ARHGAP12: variants seen among roughly 807,000 people sequenced by gnomAD.
ARHGAP12 encodes Rho GTPase activating protein 12, also known as rho GTPase-activating protein 12.
ARHGAP12 carries 64 observed loss-of-function variants against 108.6 expected under a neutral mutation model. The observed-to-expected ratio is 0.59, with a 90% CI of 0.48 to 0.73. The LOEUF is 0.73. ARHGAP12 is among the 30% of genes least tolerant of loss of function. ARHGAP12 has a pLI of 0.00. For synonymous variants in ARHGAP12, 312 were observed against 337.2 expected (o/e 0.93, Z 0.82); for missense variants, 940 against 1,005.9 (o/e 0.93, Z 0.89).
intron 9 of ARHGAP12, among the ~76,000 whole-genome samples, chr10:31,836,077 T>A (rs1176176698): frequency 6.6e-6 from 1 of 152,198 alleles, no homozygotes; most frequent in African/African-American, 2.4e-5. Flanking sequence ...ACATTCATGT[T>A]TTTTAAAAAG....
rs147765472 is a variant in ARHGAP12 at position 31,880,757 on chromosome 10, A to T, written c.685-19099T>A. 3.4e-3 allele frequency among the ~76,000 whole-genome samples: 518 copies of T among 152,252 alleles called. 2 individuals are homozygous for T. Among genetic ancestry groups the T allele is most frequent in the Middle Eastern group, 6.8e-3 (2 of 294 alleles). ...ATTCATATATTCACTTAAGTAAATT[A>T]TACTTCTTAAATATTAAAACAAGTT... On this transcript the variant is annotated intron_variant, in intron 3 of 19. Transcript: ENST00000344936.
At chr10:31,832,727 T>G (rs1470439341) in intron 9 of ARHGAP12, among the ~76,000 whole-genome samples, 1 of 152,216 alleles carries the variant, frequency 6.6e-6, no homozygotes, top group Non-Finnish European at 1.5e-5. Flanking sequence ...CTCTGCTATA[T>G]TTTCTCAATG....
chr10:31,839,352 A>G, intron 8 of ARHGAP12, 33 bp from the exon 9 acceptor site: 1 of 1,587,390 alleles, frequency 6.3e-7, no homozygotes, highest in Non-Finnish European at 8.6e-7. Flanking sequence ...ATAATGTCAT[A>G]GTATTGTCTG....
At chr10:31,835,707 AT>A (rs1241985118) in intron 9 of ARHGAP12, among the ~76,000 whole-genome samples, 1 of 152,216 alleles carries the variant, frequency 6.6e-6, no homozygotes, top group Admixed American at 6.5e-5. Context: ...TAATAATAAG[AT>A]TTTAAAAATA....
At chr10:31,880,279 C>T (rs1356190448) in intron 3 of ARHGAP12, among the ~76,000 whole-genome samples, 3 of 152,024 alleles carry the variant, frequency 2.0e-5, no homozygotes, top group Non-Finnish European at 4.4e-5. Context: ...TGTAATGGTG[C>T]TCTTAAAGTC....
At position 31,908,951 on chromosome 10, in the gene ARHGAP12, G is replaced by C. The variant is rs996027611; in HGVS notation, c.-71-25C>G. The C allele has an allele frequency of 1.5e-5, 18 of 1,229,926 alleles. No homozygotes were observed. The Admixed American group carries it at 4.0e-4, about 27-fold the overall frequency. The allele number at this position is 1,229,926 out of a possible 1,614,324, so 76.2% of individuals were successfully genotyped here. A position where few individuals can be genotyped will look rare whatever the true frequency, so the allele number is the denominator to read the frequency against. ...GCTGTTTTATTTAAATGGAGAAAGA[G>C]AATGAAGAAAAAAGTTAATGCAATC... On this transcript the variant is annotated intron_variant, in intron 2 of 19. Transcript: ENST00000344936.
chr10:31,845,239 T>G (rs1408483532), intron 6 of ARHGAP12, among the ~76,000 whole-genome samples: 1 of 152,204 alleles, frequency 6.6e-6, no homozygotes, highest in Non-Finnish European at 1.5e-5. Context: ...TGCTGAACTC[T>G]CATCAGTTTT....
intron 9 of ARHGAP12, among the ~76,000 whole-genome samples, chr10:31,835,570 A>T (rs951822991): frequency 6.6e-6 from 1 of 152,234 alleles, no homozygotes; most frequent in South Asian, 2.1e-4. Flanking sequence ...ATTACTTTGC[A>T]GGCTCCACAA....
At chr10:31,845,212 T>C (rs1413317652) in intron 6 of ARHGAP12, among the ~76,000 whole-genome samples, 1 of 152,220 alleles carries the variant, frequency 6.6e-6, no homozygotes, top group East Asian at 1.9e-4. Flanking sequence ...TCATGTTAAT[T>C]TCATATCCAG....
intron 3 of ARHGAP12, among the ~76,000 whole-genome samples, chr10:31,902,751 C>G (rs1199436950): frequency 6.6e-6 from 1 of 151,776 alleles, no homozygotes; most frequent in Non-Finnish European, 1.5e-5. Context: ...AAAAATAAAG[C>G]ATTCAGGATC....
Position 31,820,712 on chromosome 10 carries a change from T to TTATA in ARHGAP12, c.1531-228_1531-225dup, listed in dbSNP as rs59605145. Among the ~76,000 whole-genome samples the TTATA allele has an allele frequency of 6.0e-3, 713 of 118,240 alleles. 5 individuals are homozygous for TTATA. Among genetic ancestry groups the TTATA allele is most frequent in the Middle Eastern group, 9.3e-3 (2 of 216 alleles). The allele number at this position is 118,240 out of a possible 152,430, so 77.6% of individuals were successfully genotyped here. On this transcript the variant is annotated intron_variant, in intron 11 of 19. Coordinates refer to ENST00000344936, the MANE Select transcript of ARHGAP12 (RefSeq NM_018287.7). Reference sequence around the variant, plus strand: ...ACAAAATGACTCAACTTCCATCATATTATATATATATATATATATATATAT... The same window carrying TTATA: ...ACAAAATGACTCAACTTCCATCATATTATATATATATATATATATATATATATAT...
chr10:31,830,979 T>G (rs903771112), intron 10 of ARHGAP12, among the ~76,000 whole-genome samples: 1 of 152,260 alleles, frequency 6.6e-6, no homozygotes, highest in East Asian at 1.9e-4. Context: ...TTTGGAACAC[T>G]GTCGAAATGA....
chr10:31,884,579 A>G (rs1350710035), intron 3 of ARHGAP12, among the ~76,000 whole-genome samples: 1 of 152,242 alleles, frequency 6.6e-6, no homozygotes, highest in Non-Finnish European at 1.5e-5. Context: ...GAATCTAAAA[A>G]TCATAACAAT....
chr10:31,857,945 T>C (rs1296169086), intron 4 of ARHGAP12, among the ~76,000 whole-genome samples: 2 of 152,252 alleles, frequency 1.3e-5, no homozygotes, highest in African/African-American at 4.8e-5. Context: ...GGCTCATGCC[T>C]GTAATCCCAG....
In ARHGAP12 at chr10:31,916,028, C is replaced by G. The variant is rs564004623; in HGVS notation, c.-110-5465G>C. 3.3e-5 allele frequency among the ~76,000 whole-genome samples: 5 copies of G among 152,218 alleles called. No individual in the cohort carries two copies. In the South Asian group the frequency reaches 1.0e-3, roughly 32 times the overall value. On this transcript the variant is annotated intron_variant, in intron 1 of 19. Coordinates refer to ENST00000344936, the MANE Select transcript of ARHGAP12 (RefSeq NM_018287.7). ...ATTCTGTTCTTAAGAGAAAGTTGAACGCTGTTTATCCTGTTTCTATAAAGT... is the reference window on the plus strand; with the variant it reads ...ATTCTGTTCTTAAGAGAAAGTTGAAGGCTGTTTATCCTGTTTCTATAAAGT...
chr10:31,921,482 G>A (rs1839803964), intron 1 of ARHGAP12, among the ~76,000 whole-genome samples: 1 of 152,018 alleles, frequency 6.6e-6, no homozygotes, highest in Admixed American at 6.6e-5. Flanking sequence ...AAAGTTTGTA[G>A]AGGTCGGGCG....
Position 31,908,889 on chromosome 10 carries a change from A to G in ARHGAP12, c.-34T>C, listed in dbSNP as rs368155832. ...ATTCACCTCTCAAAAAGGATGTTAT[A>G]CCACATTATGGCTTTATGGCTTGTT... On this transcript the variant is annotated 5_prime_UTR_variant, in exon 3 of 20. Transcript: ENST00000344936. 3.3e-4 allele frequency: 502 copies of G among 1,527,820 alleles called. 1 individual carries two copies. The highest frequency in any genetic ancestry group is 4.2e-4 in the Non-Finnish European group (478 of 1,138,164). The allele number at this position is 1,527,820 out of a possible 1,614,324, so 94.6% of individuals were successfully genotyped here.
In ARHGAP12 at chr10:31,905,556, G is replaced by A. The variant is rs567024901; in HGVS notation, c.684+2616C>T. Reference sequence around the variant, plus strand: ...CATATCAGTTTTTCCAGGGGTCGCCGATAAAGGTAAAGGAAGATAAAAGAT... The same window carrying A: ...CATATCAGTTTTTCCAGGGGTCGCCAATAAAGGTAAAGGAAGATAAAAGAT... On this transcript the variant is annotated intron_variant, in intron 3 of 19. Coordinates refer to ENST00000344936, the MANE Select transcript of ARHGAP12 (RefSeq NM_018287.7). Among the ~76,000 whole-genome samples the A allele has an allele frequency of 4.6e-5, 7 of 152,274 alleles. No individual in the cohort carries two copies. In the South Asian group the frequency reaches 8.3e-4, roughly 18 times the overall value.
chr10:31,822,163 T>C (rs76684672), intron 11 of ARHGAP12, among the ~76,000 whole-genome samples: 1,884 of 152,186 alleles, frequency 0.012, 44 homozygotes, highest in African/African-American at 0.043. Flanking sequence ...TTCTCTACTG[T>C]AATCAACCTC....
Sources: gnomAD v4.1 joint callset for allele counts (sites outside exome capture counted in the v4.1 genomes callset) on GRCh38, gnomAD v4.1.1 for gene constraint, MANE v1.5 for transcripts, NCBI Gene and HGNC (gene_info 2026-07-23, HGNC 2026-07-21) for gene names.